FHAD1: variants seen among roughly 807,000 people sequenced by gnomAD.
FHAD1 encodes the protein forkhead-associated domain-containing protein 1.
A neutral mutation model predicts 191.3 loss-of-function variants in FHAD1; 146 were observed. The ratio of observed to expected loss-of-function variants is 0.76; its 90% CI spans 0.67 to 0.88. The LOEUF is 0.88. FHAD1 is among the 40% of genes least tolerant of loss of function. FHAD1 has a pLI of 0.00. For synonymous variants in FHAD1, 616 were observed against 672.3 expected (o/e 0.92, Z 1.29); for missense variants, 1,635 against 1,785.8 (o/e 0.92, Z 1.52).
At chr1:15,239,928 A>G (rs1260945360) in intron 1 of FHAD1, among the ~76,000 whole-genome samples, 2 of 152,190 alleles carry the variant, frequency 1.3e-5, no homozygotes, top group African/African-American at 2.4e-5. Flanking sequence ...CTCTATTCCT[A>G]GGTCTATATC....
intron 4 of FHAD1, 131 bp from the exon 5 acceptor site, chr1:15,296,552 CT>C: frequency 1.1e-6 from 1 of 933,632 alleles, no homozygotes; most frequent in South Asian, 1.4e-5. Flanking sequence ...AGCGCCCGGC[CT>C]TTAATTTTTA....
chr1:15,249,223 G>A (rs1646469419), intron 1 of FHAD1, among the ~76,000 whole-genome samples: 1 of 151,870 alleles, frequency 6.6e-6, no homozygotes, highest in Admixed American at 6.6e-5. Context: ...GACTGGTGAC[G>A]CCTTTAGCTG....
intron 32 of FHAD1, among the ~76,000 whole-genome samples, chr1:15,389,049 G>C (rs948275088): frequency 6.6e-6 from 1 of 152,156 alleles, no homozygotes; most frequent in Non-Finnish European, 1.5e-5. Context: ...TGTTCCACCT[G>C]GGATTCCTGG....
intron 6 of FHAD1, among the ~76,000 whole-genome samples, chr1:15,307,526 C>T (rs1670880470): frequency 1.3e-5 from 2 of 152,162 alleles, no homozygotes; most frequent in Admixed American, 1.3e-4. Context: ...AGTTCCCACA[C>T]ATTGTGAGAG....
At chr1:15,236,575 C>T (rs535742698) in exon 1 of FHAD1, among the ~76,000 whole-genome samples, 2 of 152,338 alleles carry the variant, frequency 1.3e-5, no homozygotes, top group South Asian at 4.1e-4. Context: ...GGAAAAAATT[C>T]TCTCTCATCC....
At chr1:15,362,784 G>A in intron 23 of FHAD1, 58 bp downstream of exon 23, 1 of 1,351,540 alleles carries the variant, frequency 7.4e-7, no homozygotes, top group South Asian at 1.2e-5. Context: ...CCTGGGTGGG[G>A]GCAAACAGGC....
chr1:15,284,478 C>CAA (rs34856227), intron 3 of FHAD1, among the ~76,000 whole-genome samples: 46,371 of 118,384 alleles, frequency 0.39, 9,640 homozygotes, highest in South Asian at 0.48. Context: ...GACTCCATCT[C>CAA]AAAAAAAAAA....
In FHAD1 at chr1:15,312,757, C is replaced by T. The variant is rs569652348; in HGVS notation, c.1040-300C>T. On this transcript the variant is annotated intron_variant, in intron 7 of 33. Coordinates refer to ENST00000688493, the MANE Select transcript of FHAD1 (RefSeq NM_001391957.1). This position sits in a 1 kb window ranked among gnomAD's most constrained non-coding sequence, Gnocchi z 4.7. Reference sequence around the variant, plus strand: ...GTCCCTTGCTGCCACAGGCCCATGTCGTGGCCCCTCCTGGTCCCTCTCTCT... The same window carrying T: ...GTCCCTTGCTGCCACAGGCCCATGTTGTGGCCCCTCCTGGTCCCTCTCTCT... 9.2e-5 allele frequency among the ~76,000 whole-genome samples: 14 copies of T among 152,334 alleles called. No individual in the cohort carries two copies. The highest frequency in any genetic ancestry group is 2.9e-4 in the African/African-American group (12 of 41,574).
chr1:15,295,923 GCCCCAGGGCTGT>G (rs1666811372), intron 4 of FHAD1, among the ~76,000 whole-genome samples: 1 of 152,224 alleles, frequency 6.6e-6, no homozygotes, highest in Non-Finnish European at 1.5e-5. Flanking sequence ...GCTGGATTCA[GCCCCAGGGCTGT>G]AGTTTGCCAG....
chr1:15,328,808 G>A (rs567419), intron 13 of FHAD1: 28,684 of 167,238 alleles, frequency 0.17, 3,119 homozygotes, highest in East Asian at 0.42. Flanking sequence ...TTTCCACACC[G>A]TTGCTTTTGA....
rs990686160 is a variant in FHAD1 at position 15,329,810 on chromosome 1, C to T, written c.1906+269C>T. The T allele has an allele frequency of 1.8e-5, 8 of 453,762 alleles. No homozygotes were observed. Among genetic ancestry groups the T allele is most frequent in the Admixed American group, 7.1e-5 (2 of 28,356 alleles). 28.1% of individuals were successfully genotyped at this position (453,762 alleles called of 1,614,324 possible). A position where few individuals can be genotyped will look rare whatever the true frequency, so the allele number is the denominator to read the frequency against. ...ATCGAAATTATGCAAAGTCTAATTACGCTGTTTAACCTCCAAGGCATTTTC... is the reference window on the plus strand; with the variant it reads ...ATCGAAATTATGCAAAGTCTAATTATGCTGTTTAACCTCCAAGGCATTTTC... On this transcript the variant is annotated intron_variant, in intron 14 of 33. Coordinates refer to ENST00000688493, the MANE Select transcript of FHAD1 (RefSeq NM_001391957.1). This position sits in a 1 kb window ranked among gnomAD's most constrained non-coding sequence, Gnocchi z 5.0.
rs1677864002 is a variant in FHAD1, at chr1:15,325,024, G to A, written c.1473+465G>A. On this transcript the variant is annotated intron_variant, in intron 11 of 33. Coordinates refer to ENST00000688493, the MANE Select transcript of FHAD1 (RefSeq NM_001391957.1). This position sits in a 1 kb window ranked among gnomAD's most constrained non-coding sequence, Gnocchi z 4.6. The stretch of plus-strand genomic sequence containing the variant: ...TCCAAAGTGCGTGCTGGATGGAGAA[G>A]CTCCCGGCTGTGGGTGAGCCACTCC... The A allele has an allele frequency of 6.1e-6, 1 of 163,688 alleles. No individual in the cohort carries two copies. Among genetic ancestry groups the A allele is most frequent in the Non-Finnish European group, 1.3e-5 (1 of 74,242 alleles). The allele number at this position is 163,688 out of a possible 1,614,324, so 10.1% of individuals were successfully genotyped here. A position where few individuals can be genotyped will look rare whatever the true frequency, so the allele number is the denominator to read the frequency against.
intron 28 of FHAD1, 141 bp downstream of exon 28, chr1:15,375,871 C>A: frequency 1.3e-6 from 1 of 790,526 alleles, no homozygotes; most frequent in Non-Finnish European, 1.9e-6. Context: ...TAGCTGGGGC[C>A]CCGACCATAC....
intron 15 of FHAD1, among the ~76,000 whole-genome samples, chr1:15,340,361 G>T (rs1686057318): frequency 6.6e-6 from 1 of 152,214 alleles, no homozygotes; most frequent in Non-Finnish European, 1.5e-5. Context: ...GGGGTCAGTG[G>T]CAAGGCGGCT....
intron 4 of FHAD1, among the ~76,000 whole-genome samples, chr1:15,296,348 G>A (rs1406604685): frequency 6.6e-6 from 1 of 150,684 alleles, no homozygotes; most frequent in African/African-American, 2.4e-5. Context: ...CCGCCTCCCA[G>A]GTTCACGCCA....
chr1:15,329,506 G>A lies in FHAD1; in HGVS notation c.1871G>A (p.Arg624Gln), dbSNP rs376892572. ...CTGGAGGAGGTGGAGCAGCTCCTCC[G>A]GGACCTCGGGATCCTGCCCTCCAGC... ...SWLEEVEQLL[R>Q]DLGILPSSPN... is the part of the protein sequence containing the mutation. The change falls in exon 14 of 34, where the codon CGG becomes CAG. Residue 624 changes from arginine to glutamine, a missense_variant. Coordinates refer to ENST00000688493, the MANE Select transcript of FHAD1 (RefSeq NM_001391957.1). This position sits in a 1 kb window ranked among gnomAD's most constrained non-coding sequence, Gnocchi z 5.0. 25 of 1,550,804 alleles carry A rather than the reference G, an allele frequency of 1.6e-5. No homozygotes were observed. Among genetic ancestry groups the A allele is most frequent in the East Asian group, 1.2e-4 (5 of 40,902 alleles).
chr1:15,297,510 C>T (rs913858846), intron 5 of FHAD1, among the ~76,000 whole-genome samples: 1 of 152,192 alleles, frequency 6.6e-6, no homozygotes, highest in Non-Finnish European at 1.5e-5. Flanking sequence ...TTGTCACACA[C>T]GGGAGTGACA....
intron 31 of FHAD1, 113 bp downstream of exon 31, chr1:15,382,306 G>T: frequency 9.6e-7 from 1 of 1,037,762 alleles, no homozygotes; most frequent in South Asian, 1.7e-5. Context: ...AGGGATGGAT[G>T]CAAAGGGAGG....
Position 15,240,970 on chromosome 1 carries a change from A to AG in FHAD1, c.-15+4209_-15+4210insG, listed in dbSNP as rs1557886182. Among the ~76,000 whole-genome samples, 419 of 146,132 alleles carry AG rather than the reference A, an allele frequency of 2.9e-3. 2 individuals carry two copies. The highest frequency in any genetic ancestry group is 0.011 in the African/African-American group (401 of 36,952). ...AGACTCTATCTCAAAAAAAAAAAAA[A>AG]AAAAAAGAAAGAAAGAAAGAAAGCA... On this transcript the variant is annotated intron_variant, in intron 1 of 33. Coordinates refer to the FHAD1 transcript ENST00000683790.
Sources: allele counts gnomAD v4.1 joint callset (sites outside exome capture counted in the v4.1 genomes callset), GRCh38; gene constraint gnomAD v4.1.1; non-coding constraint Gnocchi (gnomAD v3.1); transcripts MANE v1.5; gene names NCBI Gene and HGNC (gene_info 2026-07-23, HGNC 2026-07-21).